The following NAV3 variants were observed in gnomAD, a reference collection of about 807,000 sequenced individuals.
NAV3 encodes pore membrane and/or filament interacting like protein 1.
A neutral mutation model predicts 244.7 loss-of-function variants in NAV3; 87 were observed. The ratio of observed to expected loss-of-function variants is 0.36; its 90% CI spans 0.30 to 0.42. The LOEUF is 0.42. Ranked by LOEUF, NAV3 falls within the 20% of genes least tolerant of loss-of-function variation. The pLI, the probability that NAV3 is intolerant of heterozygous loss-of-function variation, is 1.00. For missense variants in NAV3, 2,663 were observed against 2,893.3 expected, an observed-to-expected ratio of 0.92 and a Z score of 1.83; for synonymous variants, 1,126 against 1,042.2, an observed-to-expected ratio of 1.08 and a Z score of -1.55.
intron 1 of NAV3, among the ~76,000 whole-genome samples, chr12:77,906,677 T>A (rs1886011722): frequency 6.6e-6 from 1 of 152,122 alleles, no homozygotes; most frequent in South Asian, 2.1e-4. Context: ...GACATGTTTC[T>A]TGATCTCCCT....
intron 34 of NAV3, among the ~76,000 whole-genome samples, chr12:78,196,335 C>T (rs1197321357): frequency 6.6e-6 from 1 of 151,860 alleles, no homozygotes; most frequent in Non-Finnish European, 1.5e-5. Flanking sequence ...CTTTTATTTC[C>T]AGCAGTGGTG....
At chr12:78,115,146 C>T (rs1425794753) in intron 12 of NAV3, among the ~76,000 whole-genome samples, 2 of 152,152 alleles carry the variant, frequency 1.3e-5, no homozygotes, top group African/African-American at 4.8e-5. Flanking sequence ...GTAGTTTGTG[C>T]TTTCATGATG....
chr12:77,933,020 C>T (rs1469499752), intron 1 of NAV3, among the ~76,000 whole-genome samples: 10 of 152,188 alleles, frequency 6.6e-5, no homozygotes, highest in Non-Finnish European at 1.5e-4. Flanking sequence ...TCTCAATCAT[C>T]ATTCTTCTGT....
intron 2 of NAV3, among the ~76,000 whole-genome samples, chr12:77,688,006 A>G (rs1174616430): frequency 6.6e-6 from 1 of 152,074 alleles, no homozygotes; most frequent in Non-Finnish European, 1.5e-5. Context: ...ATTATATCAC[A>G]CTTTTTACTG....
intron 11 of NAV3, 47 bp downstream of exon 11, chr12:78,051,194 G>A (rs746980669): frequency 6.4e-7 from 1 of 1,561,198 alleles, no homozygotes; most frequent in Non-Finnish European, 8.7e-7. Flanking sequence ...AGGGGAGGTG[G>A]TCTACTATAA....
At chr12:77,873,703 A>ATATG (rs1881364014) in intron 1 of NAV3, among the ~76,000 whole-genome samples, 1 of 123,414 alleles carries the variant, frequency 8.1e-6, no homozygotes, top group Non-Finnish European at 1.7e-5. Context: ...ATATATATAT[A>ATATG]TATATACATG....
At chr12:77,591,819 A>G (rs959885253) in intron 2 of NAV3, among the ~76,000 whole-genome samples, 1 of 152,204 alleles carries the variant, frequency 6.6e-6, no homozygotes, top group Non-Finnish European at 1.5e-5. Flanking sequence ...ATCCTAATGT[A>G]TACATATATG....
At chr12:78,126,767 C>A (rs1276280001) in intron 16 of NAV3, among the ~76,000 whole-genome samples, 1 of 152,048 alleles carries the variant, frequency 6.6e-6, no homozygotes, top group Non-Finnish European at 1.5e-5. Context: ...CCATCTCTGT[C>A]AATTGGAAGT....
At chr12:77,949,032 T>C (rs1000718676) in intron 3 of NAV3, among the ~76,000 whole-genome samples, 1 of 152,018 alleles carries the variant, frequency 6.6e-6, no homozygotes, top group Non-Finnish European at 1.5e-5. Flanking sequence ...TATTTTAATA[T>C]GAATTCAGTT....
At chr12:77,672,386 C>A (rs1269595768) in intron 2 of NAV3, among the ~76,000 whole-genome samples, 2 of 152,078 alleles carry the variant, frequency 1.3e-5, no homozygotes, top group Non-Finnish European at 2.9e-5. Flanking sequence ...AACAATCCCA[C>A]TACTAGGTAG....
chr12:77,971,858 TTC>T (rs747959178), intron 5 of NAV3, among the ~76,000 whole-genome samples: 91 of 152,308 alleles, frequency 6.0e-4, no homozygotes, highest in Admixed American at 1.8e-3. Flanking sequence ...GTGAAAGTGT[TTC>T]TGTTTTATTC....
chr12:77,822,522 G>A (rs1342327596), intron 2 of NAV3, among the ~76,000 whole-genome samples: 2 of 152,014 alleles, frequency 1.3e-5, no homozygotes, highest in Admixed American at 6.6e-5. Flanking sequence ...TGGGAATACT[G>A]GTAAGAAAAA....
At chr12:78,137,861 A>G (rs189571249) in intron 19 of NAV3, among the ~76,000 whole-genome samples, 356 of 152,248 alleles carry the variant, frequency 2.3e-3, no homozygotes, top group African/African-American at 8.2e-3. Flanking sequence ...TCTTCATCCA[A>G]TGGCAATAAA....
chr12:78,103,773 A>G (rs903221464), intron 12 of NAV3, among the ~76,000 whole-genome samples: 3 of 152,192 alleles, frequency 2.0e-5, no homozygotes, highest in Non-Finnish European at 4.4e-5. Context: ...TGTAAGACTT[A>G]TTCACTACCA....
chr12:77,618,994 G>T (rs947403973), intron 2 of NAV3, among the ~76,000 whole-genome samples: 6 of 152,196 alleles, frequency 3.9e-5, no homozygotes, highest in African/African-American at 1.4e-4. Flanking sequence ...AAGGACATAA[G>T]AATTGCCTTA....
intron 2 of NAV3, among the ~76,000 whole-genome samples, chr12:77,731,563 A>C (rs1486065846): frequency 6.6e-6 from 1 of 151,960 alleles, no homozygotes; most frequent in Non-Finnish European, 1.5e-5. Context: ...TAAGACTAAG[A>C]GAGAGAGGAA....
At chr12:78,113,855 A>T (rs968097903) in intron 12 of NAV3, among the ~76,000 whole-genome samples, 26 of 152,186 alleles carry the variant, frequency 1.7e-4, no homozygotes, top group African/African-American at 6.3e-4. Flanking sequence ...GCAAATTTTT[A>T]AAACTTTTAT....
At chr12:77,889,613 T>A (rs998942883) in intron 1 of NAV3, among the ~76,000 whole-genome samples, 18 of 152,322 alleles carry the variant, frequency 1.2e-4, no homozygotes, top group Non-Finnish European at 1.6e-4. Context: ...ACTCTATAAG[T>A]TGTTATGTTG....
chr12:77,855,978 C>T (rs1188710110), intron 1 of NAV3, among the ~76,000 whole-genome samples: 1 of 152,142 alleles, frequency 6.6e-6, no homozygotes, highest in Non-Finnish European at 1.5e-5. Flanking sequence ...GATACAGATT[C>T]GTACTGCATT....
Sources: gnomAD v4.1 joint callset for allele counts (sites outside exome capture counted in the v4.1 genomes callset) on GRCh38, gnomAD v4.1.1 for gene constraint, MANE v1.5 for transcripts, NCBI Gene and HGNC (gene_info 2026-07-23, HGNC 2026-07-21) for gene names.